SLC49A4: variants seen among roughly 807,000 people sequenced by gnomAD.
SLC49A4 encodes the protein solute carrier family 49 member 4, also known as disrupted in renal cancer protein 2.
A neutral mutation model predicts 50.6 loss-of-function variants in SLC49A4; 36 were observed. The ratio of observed to expected loss-of-function variants is 0.71; its 90% CI spans 0.55 to 0.94. The LOEUF (loss-of-function observed/expected upper bound fraction) is 0.94. SLC49A4 is among the 40% of genes least tolerant of loss of function. SLC49A4 has a pLI of 0.00. For synonymous variants in SLC49A4, 248 were observed against 241.2 expected, an observed-to-expected ratio of 1.03 and a Z score of -0.26; for missense variants, 503 against 605.7, an observed-to-expected ratio of 0.83 and a Z score of 1.78.
intron 2 of SLC49A4, among the ~76,000 whole-genome samples, chr3:122,810,072 CTG>C (rs1374566868): frequency 1.3e-5 from 2 of 152,154 alleles, no homozygotes; most frequent in African/African-American, 4.8e-5. Flanking sequence ...ATTTACAAGT[CTG>C]TGTTTTTGTG....
Position 122,826,992 on chromosome 3 carries a change from G to T in SLC49A4, c.630G>T (p.Gly210=). The change falls in exon 3 of 9, where the codon GGG becomes GGT. Residue 210 remains glycine, a synonymous_variant. Coordinates refer to ENST00000261038, the MANE Select transcript of SLC49A4 (RefSeq NM_032839.3). The part of the protein sequence containing the change: ...VGPLVVPAPN[G]TSPLLAAESS... ...CACTTGTTGTTCCAGCTCCCAATGG[G>T]ACATCACCTCTTCTTGCTGCAGAGA... is the stretch of plus-strand genomic sequence containing the variant. The T allele has an allele frequency of 4.3e-6, 7 of 1,614,200 alleles. No homozygotes were observed. Among genetic ancestry groups the T allele is most frequent in the South Asian group, 1.1e-5 (1 of 91,090 alleles).
intron 1 of SLC49A4, among the ~76,000 whole-genome samples, chr3:122,797,712 G>A (rs1936067072): frequency 6.6e-6 from 1 of 152,190 alleles, no homozygotes; most frequent in Non-Finnish European, 1.5e-5. Flanking sequence ...TGGGCTCAGT[G>A]GCTCATGTTT....
Position 122,860,207 on chromosome 3 carries a change from G to A in SLC49A4, c.1138+5G>A. ...CACACCTACCTTTAACCACAGGTGA[G>A]CATAGGCTATTTTTGAACTTTTAAT... On this transcript the variant is annotated splice_donor_5th_base_variant and intron_variant, in intron 7 of 8. Transcript: ENST00000261038. 1.3e-6 allele frequency: 2 copies of A among 1,576,626 alleles called. No individual in the cohort carries two copies. Among genetic ancestry groups the A allele is most frequent in the Non-Finnish European group, 1.7e-6 (2 of 1,164,184 alleles).
chr3:122,879,203 AGGT>A (rs771235502), intron 8 of SLC49A4, 57 bp from the exon 9 acceptor site: 60 of 1,190,838 alleles, frequency 5.0e-5, no homozygotes, highest in Middle Eastern at 3.8e-4. Flanking sequence ...TCCGGCATAC[AGGT>A]GGTGGTCTGC....
intron 8 of SLC49A4, among the ~76,000 whole-genome samples, chr3:122,875,268 C>A (rs753872181): frequency 1.6e-4 from 24 of 152,150 alleles, no homozygotes; most frequent in Non-Finnish European, 3.1e-4. Flanking sequence ...TGTCATTATT[C>A]AGTTATTTTG....
At chr3:122,865,711 G>A (rs1056402220) in intron 7 of SLC49A4, among the ~76,000 whole-genome samples, 6 of 152,134 alleles carry the variant, frequency 3.9e-5, no homozygotes, top group Non-Finnish European at 4.4e-5. Flanking sequence ...ATTGGATTGT[G>A]AAATATTTGT....
chr3:122,847,350 A>ATTTT (rs56148238), intron 5 of SLC49A4, among the ~76,000 whole-genome samples: 17 of 139,196 alleles, frequency 1.2e-4, no homozygotes, highest in African/African-American at 3.2e-4. Flanking sequence ...ACAGTGTACA[A>ATTTT]TTTTTTTTTT....
At chr3:122,806,706 T>TGG in intron 1 of SLC49A4, 151 bp from the exon 2 acceptor site, 1 of 571,882 alleles carries the variant, frequency 1.7e-6, no homozygotes, top group Non-Finnish European at 3.1e-6. Flanking sequence ...GTAGGGTTCG[T>TGG]TGTTTTTTTT....
intron 4 of SLC49A4, among the ~76,000 whole-genome samples, chr3:122,841,289 C>T (rs985401967): frequency 3.3e-5 from 5 of 152,132 alleles, no homozygotes; most frequent in Non-Finnish European, 7.4e-5. Flanking sequence ...TTGTAATTGC[C>T]GTTCATTGTG....
intron 5 of SLC49A4, among the ~76,000 whole-genome samples, chr3:122,855,106 A>G (rs970461169): frequency 4.6e-5 from 7 of 152,092 alleles, no homozygotes; most frequent in African/African-American, 1.4e-4. Context: ...ACAAAAAAAA[A>G]AAAGAAAGAA....
intron 5 of SLC49A4, among the ~76,000 whole-genome samples, chr3:122,847,390 C>T (rs1936868677): frequency 6.6e-6 from 1 of 151,182 alleles, no homozygotes. Context: ...CTCTGTCGCC[C>T]AGGCTGGAGT....
At position 122,841,961 on chromosome 3, in the gene SLC49A4, A is replaced by G. The variant is rs945718713; in HGVS notation, c.834-3802A>G. ...ATAGGTAAAAAAAATGTTAGGTTGAATTGTGATTAGTGGCACACATTTGTA... is the reference window on the plus strand; with the variant it reads ...ATAGGTAAAAAAAATGTTAGGTTGAGTTGTGATTAGTGGCACACATTTGTA... On this transcript the variant is annotated intron_variant, in intron 4 of 8. Coordinates refer to ENST00000261038, the MANE Select transcript of SLC49A4 (RefSeq NM_032839.3). 3.4e-4 allele frequency among the ~76,000 whole-genome samples: 52 copies of G among 152,210 alleles called. 2 individuals are homozygous for G. Among genetic ancestry groups the G allele is most frequent in the Non-Finnish European group, 7.3e-5 (5 of 68,028 alleles).
At chr3:122,801,884 C>T (rs1936138905) in intron 1 of SLC49A4, among the ~76,000 whole-genome samples, 1 of 152,116 alleles carries the variant, frequency 6.6e-6, no homozygotes, top group Non-Finnish European at 1.5e-5. Flanking sequence ...TGTAGACAAC[C>T]ACAGCAAGGA....
chr3:122,835,873 G>A (rs868693586), intron 4 of SLC49A4, among the ~76,000 whole-genome samples: 1 of 152,064 alleles, frequency 6.6e-6, no homozygotes, highest in Non-Finnish European at 1.5e-5. Context: ...TCTTCCAAAA[G>A]ACTCCTAGAT....
At chr3:122,815,992 G>T (rs899704896) in intron 2 of SLC49A4, among the ~76,000 whole-genome samples, 16 of 152,168 alleles carry the variant, frequency 1.1e-4, no homozygotes, top group African/African-American at 3.9e-4. Context: ...CCATGGAAAT[G>T]TAGCCATGCC....
At chr3:122,838,206 G>T (rs1458848569) in intron 4 of SLC49A4, among the ~76,000 whole-genome samples, 1 of 152,086 alleles carries the variant, frequency 6.6e-6, no homozygotes, top group Admixed American at 6.6e-5. Flanking sequence ...TCGCATTACT[G>T]GGTATATACC....
Position 122,833,384 on chromosome 3 carries a change from T to TC in SLC49A4, c.774dup (p.Ser259GlnfsTer6). The TC allele has an allele frequency of 1.2e-6, 2 of 1,613,422 alleles. No individual in the cohort carries two copies. The highest frequency in any genetic ancestry group is 1.7e-6 in the Non-Finnish European group (2 of 1,179,508). On this transcript the variant is annotated frameshift_variant, in exon 4 of 9. Transcript: ENST00000261038. LOFTEE classifies it high-confidence loss of function. ...ATTTCCCACCCCGACCTCCTCTTCC[T>TC]CCCAGTGTTGCTGCAGCTAGCCAGC...
intron 5 of SLC49A4, among the ~76,000 whole-genome samples, chr3:122,855,797 T>C (rs1936981632): frequency 6.7e-6 from 1 of 149,652 alleles, no homozygotes; most frequent in Non-Finnish European, 1.5e-5. Context: ...AGTCACACAG[T>C]TAGTAAATGA....
rs1560249484 is a variant in SLC49A4, at chr3:122,880,481, GAC to G, written c.*1107_*1108del. The G allele has an allele frequency of 6.6e-6, 1 of 152,088 alleles. No homozygotes were observed. The highest frequency in any genetic ancestry group is 1.5e-5 in the Non-Finnish European group (1 of 68,016). 9.4% of individuals were successfully genotyped at this position (152,088 alleles called of 1,614,324 possible). A position where few individuals can be genotyped will look rare whatever the true frequency, so the allele number is the denominator to read the frequency against. On this transcript the variant is annotated 3_prime_UTR_variant, in exon 9 of 9. Coordinates refer to ENST00000261038, the MANE Select transcript of SLC49A4 (RefSeq NM_032839.3). ...AGAGTTCCACATTGAGTGGCTGTCA[GAC>G]ACAGATTTCACTGTGACGTAAAATA...
Sources: gnomAD v4.1 joint callset for allele counts (sites outside exome capture counted in the v4.1 genomes callset) on GRCh38, gnomAD v4.1.1 for gene constraint, MANE v1.5 for transcripts, NCBI Gene and HGNC (gene_info 2026-07-23, HGNC 2026-07-21) for gene names.